The following CCDC73 variants were observed in gnomAD, a reference collection of about 807,000 sequenced individuals.
CCDC73 encodes coiled-coil domain-containing protein 73.
A neutral mutation model predicts 116.5 loss-of-function variants in CCDC73; 95 were observed. The ratio of observed to expected loss-of-function variants is 0.82; its 90% confidence interval spans 0.69 to 0.97. The LOEUF is 0.97. CCDC73 is among the 50% of genes least tolerant of loss of function. The pLI is 0.00. For missense variants in CCDC73, 1,066 were observed against 1,206.8 expected (o/e 0.88, Z 1.73); for synonymous variants, 398 against 401.3 (o/e 0.99, Z 0.10).
intron 1 of CCDC73, among the ~76,000 whole-genome samples, chr11:32,768,010 G>A (rs1319708767): frequency 1.3e-5 from 2 of 152,194 alleles, no homozygotes; most frequent in Admixed American, 1.3e-4. Context: ...CTGCTATAAA[G>A]ACACATGCAC....
At chr11:32,786,267 G>A (rs1276021569) in intron 1 of CCDC73, among the ~76,000 whole-genome samples, 1 of 150,362 alleles carries the variant, frequency 6.7e-6, no homozygotes, top group Non-Finnish European at 1.5e-5. Context: ...GCATAAAATA[G>A]TTACTAATGA....
Position 32,699,318 on chromosome 11 carries a change from T to C in CCDC73, c.323A>G (p.Tyr108Cys), listed in dbSNP as rs754599574. ...TTCCTTTATTTCTGTAGCAAGTTGA[T>C]ATTTTCCCTTTAAGTAAAAAACTGT... ...MCALEEEKGKYQLATEIKEKE... is the reference protein window; with the variant it reads ...MCALEEEKGKCQLATEIKEKE... Residue 108 changes from tyrosine to cysteine, a missense_variant, in exon 6 of 18, where the codon TAT (tyrosine) becomes TGT (cysteine). Coordinates refer to ENST00000335185, the MANE Select transcript of CCDC73 (RefSeq NM_001008391.4). 5 of 1,571,234 alleles carry C rather than the reference T, an allele frequency of 3.2e-6. No individual in the cohort carries two copies. In the South Asian group the frequency reaches 3.4e-5, roughly 11 times the overall value.
intron 9 of CCDC73, among the ~76,000 whole-genome samples, chr11:32,667,647 T>A (rs1295453947): frequency 6.6e-6 from 1 of 152,190 alleles, no homozygotes; most frequent in East Asian, 1.9e-4. Context: ...CAGCTCACTC[T>A]TGGTGGGCTA....
At chr11:32,764,761 C>G (rs1850424913) in intron 1 of CCDC73, among the ~76,000 whole-genome samples, 1 of 152,118 alleles carries the variant, frequency 6.6e-6, no homozygotes, top group Non-Finnish European at 1.5e-5. Context: ...TCACACATAA[C>G]AATATTAACC....
intron 9 of CCDC73, among the ~76,000 whole-genome samples, chr11:32,667,804 C>A (rs1856000430): frequency 6.6e-6 from 1 of 152,174 alleles, no homozygotes; most frequent in Non-Finnish European, 1.5e-5. Flanking sequence ...ATCTTGGAAC[C>A]ACCCCCCAAC....
chr11:32,665,480 C>A (rs975275668), intron 9 of CCDC73, among the ~76,000 whole-genome samples: 1 of 152,112 alleles, frequency 6.6e-6, no homozygotes, highest in African/African-American at 2.4e-5. Context: ...CGGATTGCAA[C>A]CCCTGTCTTT....
At chr11:32,725,383 C>A (rs778956394) in intron 2 of CCDC73, among the ~76,000 whole-genome samples, 3 of 152,024 alleles carry the variant, frequency 2.0e-5, no homozygotes, top group Non-Finnish European at 4.4e-5. Flanking sequence ...AAAAACAGTA[C>A]ATATTGCACA....
intron 9 of CCDC73, among the ~76,000 whole-genome samples, chr11:32,674,280 C>T (rs1204723343): frequency 1.3e-5 from 2 of 152,102 alleles, no homozygotes; most frequent in Admixed American, 1.3e-4. Context: ...TTAATTCTCT[C>T]AGAGGTAGGG....
At chr11:32,700,271 A>G (rs1460462508) in intron 5 of CCDC73, among the ~76,000 whole-genome samples, 1 of 152,216 alleles carries the variant, frequency 6.6e-6, no homozygotes, top group Non-Finnish European at 1.5e-5. Flanking sequence ...GTTCATTGAT[A>G]TAATAAAAAA....
At chr11:32,740,811 A>C (rs1170009557) in intron 2 of CCDC73, among the ~76,000 whole-genome samples, 1 of 151,864 alleles carries the variant, frequency 6.6e-6, no homozygotes, top group African/African-American at 2.4e-5. Context: ...AGACACTTAC[A>C]GCTATAAACT....
chr11:32,613,380 G>A (rs1855439821), intron 16 of CCDC73, 42 bp downstream of exon 16: 5 of 1,489,344 alleles, frequency 3.4e-6, no homozygotes, highest in Non-Finnish European at 4.6e-6. Context: ...AGAATAAGTA[G>A]AAAAATATTT....
intron 2 of CCDC73, among the ~76,000 whole-genome samples, chr11:32,732,387 G>A (rs1850086999): frequency 6.6e-6 from 1 of 152,098 alleles, no homozygotes; most frequent in Admixed American, 6.5e-5. Flanking sequence ...ACCAAGGCAG[G>A]CCAACATTAA....
At chr11:32,829,136 A>C in the CCDC73 span, among the ~76,000 whole-genome samples, 1 of 152,226 alleles carries the variant, frequency 6.6e-6, no homozygotes, top group East Asian at 1.9e-4. Context: ...AATTAAGTTC[A>C]CAAGTACTGA....
intron 7 of CCDC73, among the ~76,000 whole-genome samples, chr11:32,676,693 G>A (rs1856092081): frequency 1.3e-5 from 2 of 152,328 alleles, no homozygotes; most frequent in African/African-American, 4.8e-5. Flanking sequence ...GTTGAGGTGG[G>A]AGGATTGCTT....
At chr11:32,765,985 C>T (rs550421700) in intron 1 of CCDC73, among the ~76,000 whole-genome samples, 6 of 152,308 alleles carry the variant, frequency 3.9e-5, no homozygotes, top group Admixed American at 3.3e-4. Context: ...GATACCAAAG[C>T]CTGGCAGAGA....
chr11:32,828,545 G>C, the CCDC73 span, among the ~76,000 whole-genome samples: 1 of 151,510 alleles, frequency 6.6e-6, no homozygotes, highest in East Asian at 1.9e-4. Flanking sequence ...GGGAAAAAAT[G>C]TTTCCCTTGG....
intron 14 of CCDC73, 115 bp downstream of exon 14, chr11:32,635,581 C>T: frequency 1.1e-6 from 1 of 918,600 alleles, no homozygotes; most frequent in African/African-American, 1.7e-5. Context: ...AGACCATATG[C>T]ATATACTCAT....
chr11:32,630,209 T>TC (rs200183860), intron 14 of CCDC73, among the ~76,000 whole-genome samples: 5,365 of 152,340 alleles, frequency 0.035, 299 homozygotes, highest in African/African-American at 0.12. Flanking sequence ...AAGTTTCTTA[T>TC]AAACTTTGGT....
Position 32,642,589 on chromosome 11 carries a change from A to C in CCDC73, c.940-507T>G, listed in dbSNP as rs1200385480. Among the ~76,000 whole-genome samples the C allele has an allele frequency of 2.6e-5, 4 of 151,976 alleles. No homozygotes were observed. In the South Asian group the frequency reaches 6.2e-4, roughly 24 times the overall value. On this transcript the variant is annotated intron_variant, in intron 12 of 17. Transcript: ENST00000335185. The stretch of plus-strand genomic sequence containing the variant: ...AACTTAATTACTTCATTGAACTAAC[A>C]TAACAGAATCACTACCACACTCTCC...
Sources: allele counts gnomAD v4.1 joint callset (sites outside exome capture counted in the v4.1 genomes callset), GRCh38; gene constraint gnomAD v4.1.1; transcripts MANE v1.5; gene names NCBI Gene and HGNC (gene_info 2026-07-23, HGNC 2026-07-21).